The following IL12RB1 variants were observed in gnomAD, a reference collection of about 807,000 sequenced individuals.
IL12RB1 encodes interleukin-12 receptor subunit beta-1.
IL12RB1 carries 64 observed loss-of-function variants against 94.4 expected under a neutral mutation model. The observed-to-expected ratio is 0.68, with a 90% CI of 0.55 to 0.83. IL12RB1 has a LOEUF of 0.83. Ranked by LOEUF, IL12RB1 falls within the 40% of genes least tolerant of loss-of-function variation. IL12RB1 has a pLI of 0.00. For synonymous variants in IL12RB1, 362 were observed against 355.5 expected (o/e 1.02, Z -0.21); for missense variants, 814 against 855.6 (o/e 0.95, Z 0.61).
chr19:18,071,524 T>C (rs1483683647), intron 9 of IL12RB1, among the ~76,000 whole-genome samples: 4 of 152,160 alleles, frequency 2.6e-5, no homozygotes, highest in Non-Finnish European at 1.5e-5. Context: ...TGATGGCACA[T>C]GCCTATATTC....
At chr19:18,082,406 C>T (rs533578098) in intron 2 of IL12RB1, 142 bp from the exon 3 acceptor site, 62 of 681,486 alleles carry the variant, frequency 9.1e-5, no homozygotes, top group Non-Finnish European at 1.5e-4. Context: ...CATCCCCTGC[C>T]GTCTCTCACC....
At chr19:18,067,870 T>C (rs899041456) in intron 11 of IL12RB1, among the ~76,000 whole-genome samples, 2 of 152,054 alleles carry the variant, frequency 1.3e-5, no homozygotes, top group African/African-American at 4.8e-5. Context: ...CAAACTTTTT[T>C]CTTTCTGTAG....
In IL12RB1 at chr19:18,059,998, C is replaced by T. The variant is rs143367415; in HGVS notation, c.1879G>A (p.Glu627Lys). Reference sequence around the variant, plus strand: ...GTCTTCTCGAGAGGCTCAGTCCTCTCGCCTTTGTCCCAGGACATCTCTACC... The same window carrying T: ...GTCTTCTCGAGAGGCTCAGTCCTCTTGCCTTTGTCCCAGGACATCTCTACC... ...LVVEMSWDKG[E>K]RTEPLEKTEL... Residue 627 changes from glutamate to lysine, a missense_variant, in exon 16 of 17, where the codon GAG (glutamate) becomes AAG (lysine). By Grantham distance (56) the Glu-to-Lys change is moderately conservative. Transcript: ENST00000593993. 5.9e-4 allele frequency: 948 copies of T among 1,600,834 alleles called. 1 individual carries two copies. Among genetic ancestry groups the T allele is most frequent in the Middle Eastern group, 2.6e-3 (16 of 6,040 alleles).
chr19:18,089,976 C>T (rs543488504), upstream of IL12RB1, among the ~76,000 whole-genome samples: 6 of 152,180 alleles, frequency 3.9e-5, no homozygotes, highest in South Asian at 2.1e-4. Flanking sequence ...TCTCTGGCCC[C>T]GGGGCCCAGG....
At chr19:18,097,706 A>T in intron 1 of IL12RB1, 2 of 824,862 alleles carry the variant, frequency 2.4e-6, no homozygotes, top group Non-Finnish European at 3.0e-6. Context: ...GTGTCAGCTG[A>T]CCGGCCTGGC....
chr19:18,084,347 C>T (rs1199197918), intron 1 of IL12RB1, among the ~76,000 whole-genome samples: 6 of 150,406 alleles, frequency 4.0e-5, no homozygotes, highest in South Asian at 2.1e-4. Context: ...TGCATCCACC[C>T]CACCATCCAC....
chr19:18,092,759 C>A (rs868383997), intron 1 of IL12RB1, among the ~76,000 whole-genome samples: 3 of 143,684 alleles, frequency 2.1e-5, no homozygotes, highest in African/African-American at 7.9e-5. Context: ...CCACCTCAGC[C>A]TCCCAAAGTG....
Position 18,082,089 on chromosome 19 carries a change from G to C in IL12RB1, c.239+61C>G, listed in dbSNP as rs2035952626. 10 of 1,011,372 alleles carry C rather than the reference G, an allele frequency of 9.9e-6. No individual in the cohort carries two copies. The East Asian group carries it at 2.4e-4, about 25-fold the overall frequency. 62.6% of individuals were successfully genotyped at this position (1,011,372 alleles called of 1,614,324 possible). Reference sequence around the variant, plus strand: ...CGCATCCGAGAGTAGGGGCACCAGAGGGGGTTGAAGCAAGAGTGGGATGGT... The same window carrying C: ...CGCATCCGAGAGTAGGGGCACCAGACGGGGTTGAAGCAAGAGTGGGATGGT... On this transcript the variant is annotated intron_variant, in intron 3 of 16. Transcript: ENST00000593993.
At chr19:18,094,975 T>C (rs418892) in intron 1 of IL12RB1, among the ~76,000 whole-genome samples, 116,171 of 151,918 alleles carry the variant, frequency 0.76, 44,669 homozygotes, top group East Asian at 0.94. Flanking sequence ...GTCAGGAGTT[T>C]GAGACCAGCC....
At chr19:18,067,316 T>C (rs1171086709) in intron 11 of IL12RB1, among the ~76,000 whole-genome samples, 2 of 122,542 alleles carry the variant, frequency 1.6e-5, no homozygotes, top group East Asian at 4.7e-4. Context: ...AGAGAGTGAC[T>C]CTGTCTCAAG....
chr19:18,062,112 C>T, intron 14 of IL12RB1, 69 bp downstream of exon 14: 1 of 1,069,652 alleles, frequency 9.3e-7, no homozygotes, highest in Non-Finnish European at 1.4e-6. Context: ...GCGGGCTAAG[C>T]TCCACTTTAG....
At chr19:18,093,335 T>C (rs2036722870) in intron 1 of IL12RB1, among the ~76,000 whole-genome samples, 1 of 139,312 alleles carries the variant, frequency 7.2e-6, no homozygotes, top group African/African-American at 2.8e-5. Context: ...AACACAAATA[T>C]ATATATATAT....
At chr19:18,078,466 C>T (rs973798167) in intron 4 of IL12RB1, among the ~76,000 whole-genome samples, 7 of 151,982 alleles carry the variant, frequency 4.6e-5, no homozygotes, top group Middle Eastern at 3.4e-3. Flanking sequence ...AAGATTTATA[C>T]ACAGGATCCT....
chr19:18,084,429 TCCCA>T (rs2036178371), intron 1 of IL12RB1, among the ~76,000 whole-genome samples: 1 of 146,912 alleles, frequency 6.8e-6, no homozygotes, highest in African/African-American at 2.6e-5. Context: ...CATCCATCCA[TCCCA>T]CCATCCACCC....
In IL12RB1 at chr19:18,063,985, G is replaced by A; in HGVS notation, c.1509C>T (p.Thr503=). ...CCCGCAGGCCACTGAGGGTAACTTG[G>A]GTCTCTGTGGGCTGCACGGGATGCT... The part of the protein sequence containing the change: ...VSEHPVQPTE[T]QVTLSGLRAG... Residue 503 remains threonine, a synonymous_variant, in exon 13 of 17, where the codon ACC becomes ACT. Coordinates refer to ENST00000593993, the MANE Select transcript of IL12RB1 (RefSeq NM_005535.3). 6.2e-7 allele frequency: 1 copy of A among 1,612,432 alleles called. No homozygotes were observed. The highest frequency in any genetic ancestry group is 1.7e-4 in the Middle Eastern group (1 of 6,020).
At chr19:18,081,827 GA>G (rs1285359406) in intron 3 of IL12RB1, among the ~76,000 whole-genome samples, 9 of 146,702 alleles carry the variant, frequency 6.1e-5, no homozygotes, top group Non-Finnish European at 1.1e-4. Context: ...CTCAAAAAAA[GA>G]AAAAAAGAAA....
chr19:18,066,044 TAAA>T (rs76051228), intron 12 of IL12RB1, among the ~76,000 whole-genome samples: 177 of 131,890 alleles, frequency 1.3e-3, no homozygotes, highest in African/African-American at 4.1e-3. Flanking sequence ...TCTATAAAAT[TAAA>T]AAAAAAAAAA....
At chr19:18,076,982 G>A (rs1460956569) in intron 5 of IL12RB1, among the ~76,000 whole-genome samples, 1 of 152,138 alleles carries the variant, frequency 6.6e-6, no homozygotes, top group African/African-American at 2.4e-5. Context: ...TTTGGGTAAA[G>A]GATATATGGG....
Position 18,059,314 on chromosome 19 carries a change from A to G in IL12RB1, c.*294T>C. The stretch of plus-strand genomic sequence containing the variant: ...GGGGTGGATGCCCAGCCCAGGGTCC[A>G]GGGATCCATCTGAGCCCCCCTTGCC... On this transcript the variant is annotated 3_prime_UTR_variant, in exon 17 of 17. Transcript: ENST00000593993. 1 of 533,336 alleles carries G rather than the reference A, an allele frequency of 1.9e-6. No homozygotes were observed. Among genetic ancestry groups the G allele is most frequent in the East Asian group, 3.3e-5 (1 of 30,422 alleles). 33.0% of individuals were successfully genotyped at this position (533,336 alleles called of 1,614,324 possible).
Sources: allele counts gnomAD v4.1 joint callset (sites outside exome capture counted in the v4.1 genomes callset), GRCh38; gene constraint gnomAD v4.1.1; transcripts MANE v1.5; gene names NCBI Gene and HGNC (gene_info 2026-07-23, HGNC 2026-07-21).